The following POGZ variants were observed in gnomAD, a reference collection of about 807,000 sequenced individuals.
POGZ encodes the protein pogo transposable element derived with ZNF domain.
POGZ carries 17 observed loss-of-function variants against 134.6 expected under a neutral mutation model. The observed-to-expected ratio is 0.13, with a 90% CI of 0.09 to 0.19. The LOEUF is 0.19. Ranked by LOEUF, POGZ falls within the 10% of genes least tolerant of loss-of-function variation. The pLI, the probability that POGZ is intolerant of heterozygous loss-of-function variation, is 1.00. For synonymous variants in POGZ, 693 were observed against 657.1 expected (o/e 1.05, Z -0.84); for missense variants, 1,306 against 1,769.7 (o/e 0.74, Z 4.70).
intron 1 of POGZ, among the ~76,000 whole-genome samples, chr1:151,458,374 G>A (rs976569837): frequency 9.2e-5 from 14 of 152,004 alleles, no homozygotes; most frequent in African/African-American, 3.4e-4. Context: ...TATAAATCAC[G>A]GCGCCATCCC....
At chr1:151,407,355 C>T in intron 15 of POGZ, 64 bp from the exon 16 acceptor site, 1 of 1,114,486 alleles carries the variant, frequency 9.0e-7, no homozygotes, top group Non-Finnish European at 1.3e-6. Flanking sequence ...AGATCACCAG[C>T]CAGTGACAAT....
At chr1:151,434,071 G>A (rs1046476346) in intron 3 of POGZ, among the ~76,000 whole-genome samples, 34 of 152,146 alleles carry the variant, frequency 2.2e-4, no homozygotes. Context: ...CACTTTGGGA[G>A]GCCGAGGCAG....
Position 151,408,227 on chromosome 1 carries a change from G to A in POGZ, c.2248C>T (p.Arg750Trp), listed in dbSNP as rs1265236844. The A allele has an allele frequency of 1.9e-6, 3 of 1,611,666 alleles. No individual in the cohort carries two copies. The highest frequency in any genetic ancestry group is 2.5e-6 in the Non-Finnish European group (3 of 1,179,302). The stretch of plus-strand genomic sequence containing the variant: ...AAGCTGCACTCCAGGCATGTCTGCC[G>A]GCCCATGACACTCCTGTGGGGGAAA... Reference protein sequence around the residue: ...RAVRKMSVMGRQTCLECSFEI... With the variant: ...RAVRKMSVMGWQTCLECSFEI... The change falls in exon 15 of 19, where the codon CGG (arginine) becomes TGG (tryptophan). Residue 750 changes from arginine to tryptophan, a missense_variant. Coordinates refer to ENST00000271715, the MANE Select transcript of POGZ (RefSeq NM_015100.4).
Position 151,404,723 on chromosome 1 carries a change from T to C in POGZ, c.*79A>G. 1 of 1,492,264 alleles carries C rather than the reference T, an allele frequency of 6.7e-7. No homozygotes were observed. The highest frequency in any genetic ancestry group is 2.3e-5 in the East Asian group (1 of 43,362). 92.4% of individuals were successfully genotyped at this position (1,492,264 alleles called of 1,614,324 possible). A position where few individuals can be genotyped will look rare whatever the true frequency, so the allele number is the denominator to read the frequency against. On this transcript the variant is annotated 3_prime_UTR_variant, in exon 19 of 19. Coordinates refer to ENST00000271715, the MANE Select transcript of POGZ (RefSeq NM_015100.4). ...TAGAAACCAAATACCCCACCTGGTA[T>C]GCCCCCTTTTCCCTAAGCCCCTTTA...
intron 9 of POGZ, 50 bp downstream of exon 9, chr1:151,423,899 T>C: frequency 2.9e-6 from 4 of 1,383,404 alleles, no homozygotes; most frequent in East Asian, 2.3e-5. Context: ...TATAAGAAAA[T>C]GTAAGTCTTC....
At chr1:151,446,274 A>AAAAAAAG (rs139456031) in intron 1 of POGZ, among the ~76,000 whole-genome samples, 7 of 126,184 alleles carry the variant, frequency 5.5e-5, no homozygotes, top group African/African-American at 8.4e-5. Flanking sequence ...AAAAAAAAAA[A>AAAAAAAG]CGAATTTTAT....
At chr1:151,451,198 T>A (rs1662019468) in intron 1 of POGZ, among the ~76,000 whole-genome samples, 1 of 150,550 alleles carries the variant, frequency 6.6e-6, no homozygotes, top group African/African-American at 2.4e-5. Context: ...TAATTCACAT[T>A]AGTTATCAGC....
In POGZ at chr1:151,442,466, T is replaced by C. The variant is rs1660685528; in HGVS notation, c.-1-261A>G. On this transcript the variant is annotated intron_variant, in intron 1 of 18. Coordinates refer to ENST00000271715, the MANE Select transcript of POGZ (RefSeq NM_015100.4). ...GGCTCCCACCTGTAATCCCAACATT[T>C]TGGGAAGCCGAGGGAGGTGGATCAC... 3 of 255,866 alleles carry C rather than the reference T, an allele frequency of 1.2e-5. No homozygotes were observed. In the Admixed American group the frequency reaches 1.6e-4, roughly 14 times the overall value. The allele number at this position is 255,866 out of a possible 1,614,324, so 15.8% of individuals were successfully genotyped here. A position where few individuals can be genotyped will look rare whatever the true frequency, so the allele number is the denominator to read the frequency against.
At chr1:151,457,433 G>GC (rs540921168) in intron 1 of POGZ, among the ~76,000 whole-genome samples, 6 of 152,118 alleles carry the variant, frequency 3.9e-5, no homozygotes, top group African/African-American at 9.7e-5. Flanking sequence ...GGGGGATGAG[G>GC]CCCCCCAAAT....
Position 151,411,541 on chromosome 1 carries a change from T to C in POGZ, c.1926+84A>G, listed in dbSNP as rs988579651. On this transcript the variant is annotated intron_variant, in intron 12 of 18. Coordinates refer to ENST00000271715, the MANE Select transcript of POGZ (RefSeq NM_015100.4). ...ATATTATAATCTCTGCCCAAATTAT[T>C]TGCCTAGCTCAGCCCTGGCCCCAGC... 1.1e-5 allele frequency: 10 copies of C among 917,660 alleles called. No homozygotes were observed. In the East Asian group the frequency reaches 2.2e-4, roughly 21 times the overall value. 56.8% of individuals were successfully genotyped at this position (917,660 alleles called of 1,614,324 possible). A position where few individuals can be genotyped will look rare whatever the true frequency, so the allele number is the denominator to read the frequency against.
intron 5 of POGZ, among the ~76,000 whole-genome samples, chr1:151,429,110 C>T (rs1454051819): frequency 1.6e-5 from 2 of 126,012 alleles, no homozygotes; most frequent in Admixed American, 8.1e-5. Context: ...AAAAAATTAT[C>T]CTTCTCAGAA....
chr1:151,432,825 TTATTC>T (rs1658918315), intron 3 of POGZ, among the ~76,000 whole-genome samples: 1 of 152,202 alleles, frequency 6.6e-6, no homozygotes, highest in African/African-American at 2.4e-5. Context: ...ATTATAATAA[TTATTC>T]AATATCAAAT....
chr1:151,406,951 T>C lies in POGZ; in HGVS notation c.2505A>G (p.Val835=). ...SVGDAMAKHL[V]FNPSHRSSSI... ...TGCTGGATCTGTGAGAGGGGTTGAA[T>C]ACCAAATGCTTGGCCATAGCATCGC... Residue 835 remains valine, a synonymous_variant, in exon 17 of 19, where the codon GTA becomes GTG. Transcript: ENST00000271715. 6.2e-7 allele frequency: 1 copy of C among 1,614,168 alleles called. No individual in the cohort carries two copies. Among genetic ancestry groups the C allele is most frequent in the Non-Finnish European group, 8.5e-7 (1 of 1,179,988 alleles).
chr1:151,403,934 T>A lies in POGZ; in HGVS notation c.*868A>T. On this transcript the variant is annotated 3_prime_UTR_variant, in exon 19 of 19. Coordinates refer to ENST00000271715, the MANE Select transcript of POGZ (RefSeq NM_015100.4). ...CTAAAACTGTTTGATCGCTTCAGTA[T>A]CTCTTGCTTGCTAATAACACCTGTA... 1.0e-6 allele frequency: 1 copy of A among 985,436 alleles called. No individual in the cohort carries two copies. Among genetic ancestry groups the A allele is most frequent in the Non-Finnish European group, 1.2e-6 (1 of 829,918 alleles). The allele number at this position is 985,436 out of a possible 1,614,324, so 61.0% of individuals were successfully genotyped here. A position where few individuals can be genotyped will look rare whatever the true frequency, so the allele number is the denominator to read the frequency against.
chr1:151,427,839 A>T lies in POGZ; in HGVS notation c.1062T>A (p.Pro354=), dbSNP rs747684909. The T allele has an allele frequency of 1.7e-5, 27 of 1,611,526 alleles. No individual in the cohort carries two copies. Among genetic ancestry groups the T allele is most frequent in the Non-Finnish European group, 2.2e-5 (26 of 1,177,804 alleles). ...TTATTGTACCTTTCATTGAAGACTC[A>T]GGTCCGCTGGTTCTTTGAGAGCCAT... ...SAHGSQRTSG[P]ESSMKVTSSI... Residue 354 remains proline (P), a synonymous_variant, in exon 7 of 19, where the codon CCT becomes CCA. Transcript: ENST00000271715.
intron 5 of POGZ, among the ~76,000 whole-genome samples, chr1:151,429,098 T>A (rs1453603346): frequency 4.1e-5 from 6 of 147,948 alleles, no homozygotes; most frequent in East Asian, 1.9e-4. Flanking sequence ...TCTAAGATTT[T>A]AAAAAAATTA....
rs181651259 is a variant in POGZ, at chr1:151,445,735, A to G, written c.-1-3530T>C. ...GCATCTCTGAAAGACACTGAAGCCA[A>G]ATTTTTCAAAACTGTCCTTGATTTT... On this transcript the variant is annotated intron_variant, in intron 1 of 18. Transcript: ENST00000271715. 3.2e-4 allele frequency among the ~76,000 whole-genome samples: 48 copies of G among 152,140 alleles called. No homozygotes were observed. The East Asian group carries it at 8.1e-3, about 26-fold the overall frequency.
At chr1:151,458,599 G>GCTCCGCCGCCGCCCGCCC (rs1468774208) in intron 1 of POGZ, among the ~76,000 whole-genome samples, 1 of 146,132 alleles carries the variant, frequency 6.8e-6, no homozygotes, top group Non-Finnish European at 1.5e-5. Flanking sequence ...CCCAGGGGCC[G>GCTCCGCCGCCGCCCGCCC]CTCCGCCGCC....
intron 1 of POGZ, among the ~76,000 whole-genome samples, chr1:151,446,177 CAA>C (rs10711955): frequency 1.4e-3 from 180 of 127,014 alleles, no homozygotes; most frequent in Middle Eastern, 4.0e-3. Context: ...AATGTGCCCT[CAA>C]AAAAAAAAAA....
Sources: allele counts gnomAD v4.1 joint callset (sites outside exome capture counted in the v4.1 genomes callset), GRCh38; gene constraint gnomAD v4.1.1; transcripts MANE v1.5; gene names NCBI Gene and HGNC (gene_info 2026-07-23, HGNC 2026-07-21).